The following GNA11 variants were observed in gnomAD, a reference collection of about 807,000 sequenced individuals.
The protein encoded by GNA11 is guanine nucleotide-binding protein subunit alpha-11.
A neutral mutation model predicts 38.2 loss-of-function variants in GNA11; 8 were observed. The observed-to-expected ratio is 0.21, with a 90% confidence interval of 0.12 to 0.38. GNA11 has a LOEUF of 0.38. GNA11 is among the 10% of genes least tolerant of loss of function. The pLI, the probability that GNA11 is intolerant of heterozygous loss-of-function variation, is 1.00. For synonymous variants in GNA11, 211 were observed against 221.4 expected, an observed-to-expected ratio of 0.95 and a Z score of 0.42; for missense variants, 268 against 516.3, an observed-to-expected ratio of 0.52 and a Z score of 4.66.
At position 3,119,812 on chromosome 19, in the gene GNA11, C is replaced by G. The variant is rs1325871039; in HGVS notation, c.889+453C>G. Among the ~76,000 whole-genome samples the G allele has an allele frequency of 6.6e-6, 1 of 151,920 alleles. No homozygotes were observed. The highest frequency in any genetic ancestry group is 1.9e-4 in the East Asian group (1 of 5,182). On this transcript the variant is annotated intron_variant, in intron 6 of 6. Coordinates refer to ENST00000078429, the MANE Select transcript of GNA11 (RefSeq NM_002067.5). This position sits in a 1 kb window ranked among gnomAD's most constrained non-coding sequence, Gnocchi z 4.6. Reference sequence around the variant, plus strand: ...GGTTCACGCACACTGCCAGCGCAGCCCCGTGGGGACCTTGGTGGTAGTCCC... The same window carrying G: ...GGTTCACGCACACTGCCAGCGCAGCGCCGTGGGGACCTTGGTGGTAGTCCC...
rs368874580 is a variant in GNA11 at position 3,113,320 on chromosome 19, G to A, written c.322-10G>A. 2.8e-4 allele frequency: 448 copies of A among 1,612,588 alleles called. 8 individuals are homozygous for A. In the South Asian group the frequency reaches 4.3e-3, roughly 15 times the overall value. On this transcript the variant is annotated splice_polypyrimidine_tract_variant and intron_variant, in intron 2 of 6. Transcript: ENST00000078429. ...CGAGCTCTCGACGTCTCCCCTGCCCGCCCTCGCAGGCCAATGCGCTCCTGA... is the reference window on the plus strand; with the variant it reads ...CGAGCTCTCGACGTCTCCCCTGCCCACCCTCGCAGGCCAATGCGCTCCTGA...
At chr19:3,107,797 A>T (rs1174306373) in intron 1 of GNA11, among the ~76,000 whole-genome samples, 1 of 152,122 alleles carries the variant, frequency 6.6e-6, no homozygotes, top group Non-Finnish European at 1.5e-5. Flanking sequence ...AGCACCGGTC[A>T]GTAGAGCTGA....
At chr19:3,103,358 G>T (rs1488501432) in intron 1 of GNA11, among the ~76,000 whole-genome samples, 1 of 151,390 alleles carries the variant, frequency 6.6e-6, no homozygotes, top group Admixed American at 6.6e-5. Flanking sequence ...GATTACAGGC[G>T]CATGCCACCA....
At position 3,110,124 on chromosome 19, in the gene GNA11, C is replaced by T. The variant is rs368986120; in HGVS notation, c.137-25C>T. On this transcript the variant is annotated intron_variant, in intron 1 of 6. Coordinates refer to ENST00000078429, the MANE Select transcript of GNA11 (RefSeq NM_002067.5). The surrounding 1 kb of genome is among the most constrained non-coding windows in gnomAD (Gnocchi z 5.4). Reference sequence around the variant, plus strand: ...CGAGAGTCAGGCCCCGGCTGCCGCCCGCCCTCACGTGCCCCGTCCCCCAGG... The same window carrying T: ...CGAGAGTCAGGCCCCGGCTGCCGCCTGCCCTCACGTGCCCCGTCCCCCAGG... 7.8e-5 allele frequency: 122 copies of T among 1,570,222 alleles called. No individual in the cohort carries two copies. The highest frequency in any genetic ancestry group is 6.9e-4 in the South Asian group (60 of 87,142).
intron 1 of GNA11, among the ~76,000 whole-genome samples, chr19:3,099,547 G>A (rs911182819): frequency 3.3e-5 from 5 of 152,212 alleles, no homozygotes; most frequent in Admixed American, 1.3e-4. Context: ...CGCCCGGGGG[G>A]CCTCCCACCA....
chr19:3,099,000 C>T (rs907063900), intron 1 of GNA11, among the ~76,000 whole-genome samples: 68 of 152,232 alleles, frequency 4.5e-4, no homozygotes, highest in African/African-American at 1.5e-3. Flanking sequence ...AGCTTCCTCC[C>T]GAGCCTCCTG....
At chr19:3,100,320 A>G (rs1402985836) in intron 1 of GNA11, among the ~76,000 whole-genome samples, 1 of 152,166 alleles carries the variant, frequency 6.6e-6, no homozygotes, top group African/African-American at 2.4e-5. Flanking sequence ...AAGTCCCCAG[A>G]CATCGCCTAG....
Position 3,121,419 on chromosome 19 carries a change from C to G in GNA11, c.*240C>G, listed in dbSNP as rs181655611. On this transcript the variant is annotated 3_prime_UTR_variant, in exon 7 of 7. Coordinates refer to ENST00000078429, the MANE Select transcript of GNA11 (RefSeq NM_002067.5). The stretch of plus-strand genomic sequence containing the variant: ...ACCTTTTGTCAACGGCAAAGGCAGC[C>G]TTTTTCTGGCCTTGACTTATGGCTC... The G allele has an allele frequency of 8.3e-3, 2,883 of 348,038 alleles. 38 individuals carry two copies. Among genetic ancestry groups the G allele is most frequent in the Non-Finnish European group, 0.011 (2,157 of 195,358 alleles). 21.6% of individuals were successfully genotyped at this position (348,038 alleles called of 1,614,324 possible).
chr19:3,109,263 G>A (rs774331729), intron 1 of GNA11, among the ~76,000 whole-genome samples: 7 of 152,224 alleles, frequency 4.6e-5, no homozygotes, highest in East Asian at 3.8e-4. Flanking sequence ...GGCAGGAGAG[G>A]GGCTGGAGTG....
intron 1 of GNA11, among the ~76,000 whole-genome samples, chr19:3,104,074 G>A (rs1488957749): frequency 1.3e-5 from 2 of 151,944 alleles, no homozygotes; most frequent in African/African-American, 2.4e-5. Flanking sequence ...CACCTGCCTC[G>A]GCCTCAAAGT....
intron 2 of GNA11, among the ~76,000 whole-genome samples, chr19:3,111,841 A>G (rs1913782421): frequency 6.6e-6 from 1 of 152,162 alleles, no homozygotes; most frequent in Non-Finnish European, 1.5e-5. Flanking sequence ...CTGAGGGGCC[A>G]TTGATCCCGC....
At position 3,123,399 on chromosome 19, in the gene GNA11, G is replaced by T. The variant is rs1408860356; in HGVS notation, c.*2220G>T. The T allele has an allele frequency of 4.3e-6, 1 of 233,288 alleles. No homozygotes were observed. The highest frequency in any genetic ancestry group is 8.5e-6 in the Non-Finnish European group (1 of 118,118). The allele number at this position is 233,288 out of a possible 1,614,324, so 14.5% of individuals were successfully genotyped here. A position where few individuals can be genotyped will look rare whatever the true frequency, so the allele number is the denominator to read the frequency against. On this transcript the variant is annotated 3_prime_UTR_variant, in exon 7 of 7. Transcript: ENST00000078429. The stretch of plus-strand genomic sequence containing the variant: ...TAGGTGTTGCAGGCCCAGGGCAGGG[G>T]TGCCTGCCCCAGGAGAGTCCCAGGC...
Position 3,110,783 on chromosome 19 carries a change from G to GTTTTT in GNA11, c.321+453_321+457dup, listed in dbSNP as rs554795528. Among the ~76,000 whole-genome samples, 1 of 136,584 alleles carries GTTTTT rather than the reference G, an allele frequency of 7.3e-6. No individual in the cohort carries two copies. The highest frequency in any genetic ancestry group is 2.3e-4 in the South Asian group (1 of 4,398). The allele number at this position is 136,584 out of a possible 152,430, so 89.6% of individuals were successfully genotyped here. On this transcript the variant is annotated intron_variant, in intron 2 of 6. Transcript: ENST00000078429. This position sits in a 1 kb window ranked among gnomAD's most constrained non-coding sequence, Gnocchi z 5.4. The stretch of plus-strand genomic sequence containing the variant: ...GCTGTACTTCTCACCTTCTCACACT[G>GTTTTT]TTTTTTTGTTTTGTTTTGTTTTGTT...
At chr19:3,097,460 C>T (rs1211501041) in intron 1 of GNA11, among the ~76,000 whole-genome samples, 3 of 152,148 alleles carry the variant, frequency 2.0e-5, no homozygotes, top group Non-Finnish European at 2.9e-5. Context: ...AGGAGGGTCT[C>T]GTTTATGTGG....
In GNA11 at chr19:3,110,934, T is replaced by C. The variant is rs1913760747; in HGVS notation, c.321+601T>C. Among the ~76,000 whole-genome samples the C allele has an allele frequency of 1.3e-5, 2 of 152,164 alleles. No individual in the cohort carries two copies. Among genetic ancestry groups the C allele is most frequent in the African/African-American group, 4.8e-5 (2 of 41,450 alleles). On this transcript the variant is annotated intron_variant, in intron 2 of 6. Coordinates refer to ENST00000078429, the MANE Select transcript of GNA11 (RefSeq NM_002067.5). This position sits in a 1 kb window ranked among gnomAD's most constrained non-coding sequence, Gnocchi z 5.4. Reference sequence around the variant, plus strand: ...CCACAGCCTCCCGGGTAGCTGGGACTGCAGGTGCATCACCACGCCTAGCTA... The same window carrying C: ...CCACAGCCTCCCGGGTAGCTGGGACCGCAGGTGCATCACCACGCCTAGCTA...
intron 3 of GNA11, among the ~76,000 whole-genome samples, chr19:3,114,050 G>A (rs1913846521): frequency 6.6e-6 from 1 of 152,128 alleles, no homozygotes; most frequent in African/African-American, 2.4e-5. Flanking sequence ...TGCCCTCCAT[G>A]CTTGGCAGGC....
At chr19:3,100,862 C>T (rs1220560330) in intron 1 of GNA11, among the ~76,000 whole-genome samples, 4 of 152,192 alleles carry the variant, frequency 2.6e-5, no homozygotes, top group African/African-American at 7.2e-5. Flanking sequence ...GAGGCCAGTG[C>T]GGCAGACAGC....
In GNA11 at chr19:3,110,118, GC is replaced by G; in HGVS notation, c.137-29del. ...GCAGCACGAGAGTCAGGCCCCGGCT[GC>G]CGCCCGCCCTCACGTGCCCCGTCCC... is the stretch of plus-strand genomic sequence containing the variant. On this transcript the variant is annotated intron_variant, in intron 1 of 6. Coordinates refer to ENST00000078429, the MANE Select transcript of GNA11 (RefSeq NM_002067.5). This position sits in a 1 kb window ranked among gnomAD's most constrained non-coding sequence, Gnocchi z 5.4. 1 of 1,555,434 alleles carries G rather than the reference GC, an allele frequency of 6.4e-7. No individual in the cohort carries two copies. Among genetic ancestry groups the G allele is most frequent in the Non-Finnish European group, 8.7e-7 (1 of 1,146,328 alleles).
At chr19:3,100,947 C>T (rs537635954) in intron 1 of GNA11, among the ~76,000 whole-genome samples, 17 of 152,324 alleles carry the variant, frequency 1.1e-4, no homozygotes, top group African/African-American at 4.1e-4. Flanking sequence ...GCGGAGTAAC[C>T]CTGGGCGGTG....
Sources: allele counts gnomAD v4.1 joint callset (sites outside exome capture counted in the v4.1 genomes callset), GRCh38; gene constraint gnomAD v4.1.1; non-coding constraint Gnocchi (gnomAD v3.1); transcripts MANE v1.5; gene names NCBI Gene and HGNC (gene_info 2026-07-23, HGNC 2026-07-21).